The following LSAMP variants were observed in gnomAD, a reference collection of about 807,000 sequenced individuals.
The protein encoded by LSAMP is limbic system associated membrane protein.
Under a neutral mutation model 38.6 loss-of-function variants are expected in LSAMP, and 7 were observed. The observed-to-expected ratio is 0.18, with a 90% CI of 0.10 to 0.34. LSAMP has a LOEUF of 0.34. Ranked by LOEUF, LSAMP falls within the 10% of genes least tolerant of loss-of-function variation. The probability of loss-of-function intolerance (pLI) is 1.00; values close to 1 mark genes in which losing one functional copy is unlikely to be tolerated. For missense variants in LSAMP, 313 were observed against 420.0 expected (o/e 0.75, Z 2.23); for synonymous variants, 154 against 166.8 (o/e 0.92, Z 0.59).
At chr3:115,968,779 G>A (rs941135255) in intron 3 of LSAMP, among the ~76,000 whole-genome samples, 70 of 152,266 alleles carry the variant, frequency 4.6e-4, no homozygotes, top group African/African-American at 1.5e-3. Flanking sequence ...CCAGGGAATT[G>A]CAGTCCTTGT....
Position 116,197,130 on chromosome 3 carries a change from G to GACACACACACACAC in LSAMP, c.156-110588_156-110575dup, listed in dbSNP as rs10650049. The stretch of plus-strand genomic sequence containing the variant: ...GCCTAAAACAAAAGTATCCCACTCG[G>GACACACACACACAC]ACACACACACACACACACACACACA... On this transcript the variant is annotated intron_variant, in intron 1 of 6. Transcript: ENST00000490035. Among the ~76,000 whole-genome samples the GACACACACACACAC allele has an allele frequency of 5.8e-3, 799 of 136,800 alleles. 8 individuals are homozygous for GACACACACACACAC. The highest frequency in any genetic ancestry group is 0.023 in the East Asian group (106 of 4,654). 89.7% of individuals were successfully genotyped at this position (136,800 alleles called of 152,430 possible). A position where few individuals can be genotyped will look rare whatever the true frequency, so the allele number is the denominator to read the frequency against.
intron 1 of LSAMP, among the ~76,000 whole-genome samples, chr3:116,439,775 C>T (rs192859380): frequency 6.6e-6 from 1 of 152,134 alleles, no homozygotes; most frequent in Non-Finnish European, 1.5e-5. Context: ...CAGGCTGGAG[C>T]GCAGTGGCGC....
At chr3:116,278,492 G>C (rs2047083205) in intron 1 of LSAMP, among the ~76,000 whole-genome samples, 1 of 152,166 alleles carries the variant, frequency 6.6e-6, no homozygotes, top group South Asian at 2.1e-4. Context: ...AAATAAACAA[G>C]AGAAATGGAA....
chr3:116,056,829 C>T (rs1220270046), intron 2 of LSAMP, among the ~76,000 whole-genome samples: 7 of 152,072 alleles, frequency 4.6e-5, no homozygotes, highest in African/African-American at 1.2e-4. Flanking sequence ...AGATACAATA[C>T]CATCTGAGAA....
intron 3 of LSAMP, among the ~76,000 whole-genome samples, chr3:116,015,369 C>A (rs561522375): frequency 8.6e-5 from 13 of 152,018 alleles, no homozygotes; most frequent in Admixed American, 8.5e-4. Flanking sequence ...GACTTAGAAA[C>A]GAAGTTAAAT....
intron 3 of LSAMP, among the ~76,000 whole-genome samples, chr3:115,917,639 A>G (rs1156647652): frequency 1.4e-5 from 2 of 142,072 alleles, no homozygotes; most frequent in South Asian, 4.5e-4. Flanking sequence ...TAAATTAATG[A>G]CCTTTTTTTT....
rs1038601402 is a variant in LSAMP at position 116,428,100 on chromosome 3, G to A, written c.155+16777C>T. On this transcript the variant is annotated intron_variant, in intron 1 of 6. Coordinates refer to ENST00000490035, the MANE Select transcript of LSAMP (RefSeq NM_002338.5). ...CTACTTTATTTACTTAGGACTCTCCGTCTCTCTACCCTCCTGCCAGCCTTC... is the reference window on the plus strand; with the variant it reads ...CTACTTTATTTACTTAGGACTCTCCATCTCTCTACCCTCCTGCCAGCCTTC... 5.3e-5 allele frequency among the ~76,000 whole-genome samples: 8 copies of A among 152,018 alleles called. No individual in the cohort carries two copies. In the South Asian group the frequency reaches 8.3e-4, roughly 16 times the overall value.
At chr3:116,082,308 C>T (rs188649383) in intron 2 of LSAMP, among the ~76,000 whole-genome samples, 76 of 152,228 alleles carry the variant, frequency 5.0e-4, no homozygotes, top group Middle Eastern at 3.4e-3. Flanking sequence ...TACAAGAAAA[C>T]GAACAAGCAG....
In LSAMP at chr3:116,293,559, A is replaced by C. The variant is rs139431802; in HGVS notation, c.155+151318T>G. 4.8e-3 allele frequency among the ~76,000 whole-genome samples: 725 copies of C among 152,302 alleles called. 5 individuals carry two copies. The highest frequency in any genetic ancestry group is 0.017 in the African/African-American group (687 of 41,558). ...GTCGCAGACAGTTCATACAGAGGTG[A>C]CTAGTGAAATAATTGAGATGAGATT... On this transcript the variant is annotated intron_variant, in intron 1 of 6. Transcript: ENST00000490035.
chr3:116,349,560 T>C (rs2048110793), intron 1 of LSAMP, among the ~76,000 whole-genome samples: 1 of 151,572 alleles, frequency 6.6e-6, no homozygotes, highest in Admixed American at 6.6e-5. Flanking sequence ...CATAATTTTT[T>C]AGCATTTACT....
intron 3 of LSAMP, among the ~76,000 whole-genome samples, chr3:116,001,086 T>C (rs1290731508): frequency 6.6e-6 from 1 of 152,108 alleles, no homozygotes; most frequent in Non-Finnish European, 1.5e-5. Context: ...TACTAGCGGG[T>C]GCTTCTGTGC....
At chr3:116,086,684 C>T (rs1323653729) in intron 1 of LSAMP, 128 bp from the exon 2 acceptor site, 3 of 718,270 alleles carry the variant, frequency 4.2e-6, no homozygotes, top group Admixed American at 2.5e-5. Flanking sequence ...ATTGCCATGC[C>T]ATTCTTGGAG....
intron 1 of LSAMP, among the ~76,000 whole-genome samples, chr3:116,434,667 C>T (rs2049323907): frequency 6.6e-6 from 1 of 152,106 alleles, no homozygotes; most frequent in African/African-American, 2.4e-5. Context: ...ATTCTCCTGC[C>T]TCGGCCTCTG....
intron 3 of LSAMP, among the ~76,000 whole-genome samples, chr3:115,892,114 A>G (rs1177799853): frequency 6.6e-6 from 1 of 151,978 alleles, no homozygotes; most frequent in African/African-American, 2.4e-5. Context: ...AAGCTGGTCA[A>G]TGAAAAATTC....
In LSAMP at chr3:116,373,217, G is replaced by GTA. The variant is rs149436349; in HGVS notation, c.155+71658_155+71659dup. ...AGCAAAACGTGTTTTTTATATATATGTATATATATATATATGCACACACAC... is the reference window on the plus strand; with the variant it reads ...AGCAAAACGTGTTTTTTATATATATGTATATATATATATATATGCACACACAC... On this transcript the variant is annotated intron_variant, in intron 1 of 6. Coordinates refer to ENST00000490035, the MANE Select transcript of LSAMP (RefSeq NM_002338.5). Among the ~76,000 whole-genome samples the GTA allele has an allele frequency of 5.8e-3, 862 of 148,138 alleles. 6 individuals carry two copies. Among genetic ancestry groups the GTA allele is most frequent in the African/African-American group, 0.016 (666 of 40,606 alleles).
At chr3:116,320,913 G>C (rs140753102) in intron 1 of LSAMP, among the ~76,000 whole-genome samples, 233 of 152,144 alleles carry the variant, frequency 1.5e-3, no homozygotes, top group African/African-American at 5.3e-3. Flanking sequence ...AAATCATCTG[G>C]GCTGTGCATT....
intron 1 of LSAMP, among the ~76,000 whole-genome samples, chr3:116,155,477 C>T (rs1576398059): frequency 6.6e-6 from 1 of 152,088 alleles, no homozygotes; most frequent in East Asian, 1.9e-4. Flanking sequence ...ATCCACCCAC[C>T]TCTGCCTCCC....
intron 3 of LSAMP, among the ~76,000 whole-genome samples, chr3:115,972,199 A>T (rs1576271508): frequency 6.6e-6 from 1 of 152,228 alleles, no homozygotes; most frequent in South Asian, 2.1e-4. Flanking sequence ...CAATATTGAT[A>T]GCATGCTGCA....
chr3:115,846,414 T>C (rs1935160992), intron 4 of LSAMP, among the ~76,000 whole-genome samples: 1 of 152,218 alleles, frequency 6.6e-6, no homozygotes, highest in Non-Finnish European at 1.5e-5. Flanking sequence ...ATATCATTCA[T>C]TTAATCTTAC....
Sources: allele counts gnomAD v4.1 joint callset (sites outside exome capture counted in the v4.1 genomes callset), GRCh38; gene constraint gnomAD v4.1.1; transcripts MANE v1.5; gene names NCBI Gene and HGNC (gene_info 2026-07-23, HGNC 2026-07-21).